The following POLA1 variants were observed in gnomAD, a reference collection of about 807,000 sequenced individuals.
POLA1 encodes the protein DNA polymerase alpha catalytic subunit.
Under a neutral mutation model 124.0 loss-of-function variants are expected in POLA1, and 15 were observed. That is an observed-to-expected ratio of 0.12 (90% CI 0.08 to 0.19). The LOEUF (loss-of-function observed/expected upper bound fraction) is 0.19, where lower values mean the gene tolerates loss of function less well. Ranked by LOEUF, POLA1 falls within the 10% of genes least tolerant of loss-of-function variation. The pLI is 1.00. For synonymous variants in POLA1, 408 were observed against 389.4 expected, an observed-to-expected ratio of 1.05 and a Z score of -0.56; for missense variants, 886 against 1,103.4, an observed-to-expected ratio of 0.80 and a Z score of 2.79.
chrX:24,905,749 G>C (rs369715083), intron 35 of POLA1, among the ~76,000 whole-genome samples: 9 of 111,049 alleles, frequency 8.1e-5, no homozygotes, highest in African/African-American at 2.3e-4. Context: ...TTTTAGTAGA[G>C]ACGGGGTTTT....
At chrX:24,696,141 G>A (rs1029597835) in intron 1 of POLA1, among the ~76,000 whole-genome samples, 2 of 112,614 alleles carry the variant, frequency 1.8e-5, no homozygotes, top group Non-Finnish European at 3.7e-5. Context: ...AGATTTTGAA[G>A]CAGACATGAT....
Position 24,858,294 on chromosome X carries a change from T to A in POLA1, c.4047+14617T>A, listed in dbSNP as rs1024098801. ...GTATAAACCTAGGTGAGGAGTAGTGTGCATAGAAATGTCATCTTTCCTGTA... is the reference window on the plus strand; with the variant it reads ...GTATAAACCTAGGTGAGGAGTAGTGAGCATAGAAATGTCATCTTTCCTGTA... On this transcript the variant is annotated intron_variant, in intron 34 of 36. Coordinates refer to ENST00000379068, the MANE Select transcript of POLA1 (RefSeq NM_001330360.2). Among the ~76,000 whole-genome samples, 3 of 112,019 alleles carry A rather than the reference T, an allele frequency of 2.7e-5. No homozygotes were observed. The Admixed American group carries it at 2.8e-4, about 11-fold the overall frequency.
chrX:24,779,565 A>T (rs2045217599), intron 26 of POLA1, among the ~76,000 whole-genome samples: 1 of 112,110 alleles, frequency 8.9e-6, no homozygotes, highest in African/African-American at 3.2e-5. Flanking sequence ...GTCAAATTCA[A>T]CCTCTGCATT....
chrX:24,829,776 TAAG>T (rs1192065836), intron 32 of POLA1, among the ~76,000 whole-genome samples: 1 of 112,008 alleles, frequency 8.9e-6, no homozygotes, highest in African/African-American at 3.2e-5. Context: ...GGTGGCAAAG[TAAG>T]AGAAGTGTTA....
chrX:24,869,373 G>T (rs1365337300), intron 34 of POLA1, among the ~76,000 whole-genome samples: 1 of 112,432 alleles, frequency 8.9e-6, no homozygotes. Context: ...AGGCTGATAG[G>T]GTGAACGGCT....
chrX:24,734,807 G>T (rs1931168425), intron 17 of POLA1, among the ~76,000 whole-genome samples: 1 of 111,157 alleles, frequency 9.0e-6, no homozygotes, highest in Non-Finnish European at 1.9e-5. Flanking sequence ...GTAGAGACAG[G>T]GTTTCACCAT....
intron 26 of POLA1, among the ~76,000 whole-genome samples, chrX:24,804,225 T>C (rs1210157405): frequency 9.0e-6 from 1 of 111,007 alleles, no homozygotes; most frequent in African/African-American, 3.3e-5. Context: ...TAACAGAGAA[T>C]AGGAAAAAGA....
At chrX:24,946,568 G>A (rs1228541166) in intron 36 of POLA1, among the ~76,000 whole-genome samples, 3 of 111,674 alleles carry the variant, frequency 2.7e-5, no homozygotes, top group African/African-American at 9.8e-5. Context: ...ACATCCTTTG[G>A]CTGGTGTGGT....
At chrX:24,968,657 T>G (rs1192882531) in intron 36 of POLA1, among the ~76,000 whole-genome samples, 1 of 97,525 alleles carries the variant, frequency 1.0e-5, no homozygotes, top group Non-Finnish European at 2.0e-5. Context: ...GAGCGGAGAT[T>G]GGGCCACTGT....
chrX:24,733,101 GA>G (rs1931036003), intron 16 of POLA1, among the ~76,000 whole-genome samples: 2 of 112,096 alleles, frequency 1.8e-5, no homozygotes, highest in African/African-American at 6.5e-5. Context: ...TTTCAGCCCA[GA>G]AGCAGAGATT....
At chrX:24,886,374 C>T (rs1354184804) in intron 34 of POLA1, among the ~76,000 whole-genome samples, 2 of 112,047 alleles carry the variant, frequency 1.8e-5, no homozygotes, top group Non-Finnish European at 3.8e-5. Context: ...ATAGTTTAGC[C>T]TTGAATGAAG....
At chrX:24,700,494 G>A (rs937280548) in intron 2 of POLA1, among the ~76,000 whole-genome samples, 3 of 112,000 alleles carry the variant, frequency 2.7e-5, no homozygotes, top group Non-Finnish European at 5.6e-5. Context: ...AAGGATTTCA[G>A]TAAAACAGGA....
intron 35 of POLA1, among the ~76,000 whole-genome samples, chrX:24,909,194 G>C (rs778080090): frequency 2.3e-3 from 255 of 111,371 alleles, no homozygotes; most frequent in Middle Eastern, 4.7e-3. Flanking sequence ...TGGCCTGTTT[G>C]CTCTGATGGT....
At chrX:24,848,239 G>A (rs2046502183) in intron 34 of POLA1, among the ~76,000 whole-genome samples, 1 of 111,912 alleles carries the variant, frequency 8.9e-6, no homozygotes, top group African/African-American at 3.3e-5. Context: ...TGTGTCATAA[G>A]CCACATTTTA....
intron 26 of POLA1, among the ~76,000 whole-genome samples, chrX:24,778,882 T>C (rs2148449348): frequency 8.9e-6 from 1 of 111,824 alleles, no homozygotes; most frequent in South Asian, 3.8e-4. Context: ...TACTCCATAC[T>C]GAGCATGTAA....
At chrX:24,853,958 G>A (rs2046603417) in intron 34 of POLA1, among the ~76,000 whole-genome samples, 1 of 112,139 alleles carries the variant, frequency 8.9e-6, no homozygotes, top group Admixed American at 9.4e-5. Flanking sequence ...ACTTTCTTTA[G>A]TGAAACTGGC....
At chrX:24,922,339 C>A (rs765075187) in intron 35 of POLA1, among the ~76,000 whole-genome samples, 1 of 110,405 alleles carries the variant, frequency 9.1e-6, no homozygotes, top group South Asian at 4.0e-4. Context: ...CCCACCTTGG[C>A]CTCCCAAAGC....
At chrX:24,764,156 G>C in intron 26 of POLA1, among the ~76,000 whole-genome samples, 1 of 111,990 alleles carries the variant, frequency 8.9e-6, no homozygotes, top group Non-Finnish European at 1.9e-5. Context: ...AATTAAATGA[G>C]ATAATGTGTG....
At chrX:24,724,586 G>C (rs1019585763) in intron 12 of POLA1, 135 bp downstream of exon 12, 3 of 404,577 alleles carry the variant, frequency 7.4e-6, no homozygotes, top group African/African-American at 2.5e-5. Context: ...AATTTCATAG[G>C]TATGAATGTA....
Sources: allele counts gnomAD v4.1 joint callset (sites outside exome capture counted in the v4.1 genomes callset), GRCh38; gene constraint gnomAD v4.1.1; transcripts MANE v1.5; gene names NCBI Gene and HGNC (gene_info 2026-07-23, HGNC 2026-07-21).